Variants in TNFRSF10A observed in about 807,000 individuals in gnomAD.
The protein encoded by TNFRSF10A is TNF receptor superfamily member 10a, also known as tumor necrosis factor receptor superfamily member 10A.
A neutral mutation model predicts 42.8 loss-of-function variants in TNFRSF10A; 44 were observed. The ratio of observed to expected loss-of-function variants is 1.03; its 90% CI spans 0.81 to 1.32. The LOEUF is 1.32. Among genes scored for constraint, TNFRSF10A ranks in the 40% most tolerant of loss-of-function variants. The pLI is 0.00. For missense variants in TNFRSF10A, 680 were observed against 602.0 expected (o/e 1.13, Z -1.36); for synonymous variants, 259 against 234.2 (o/e 1.11, Z -0.97).
chr8:23,218,566 A>G (rs934708775), intron 1 of TNFRSF10A, among the ~76,000 whole-genome samples: 1 of 152,002 alleles, frequency 6.6e-6, no homozygotes, highest in Non-Finnish European at 1.5e-5. Context: ...GGCCAGCCTC[A>G]TGGTCTGGGG....
At chr8:23,213,551 C>T (rs1178991208) in intron 1 of TNFRSF10A, among the ~76,000 whole-genome samples, 4 of 67,510 alleles carry the variant, frequency 5.9e-5, no homozygotes, top group Non-Finnish European at 1.3e-4. Flanking sequence ...AGGTTCATGC[C>T]ATTCTCCTGC....
rs1800754015 is a variant in TNFRSF10A, at chr8:23,191,601, A to C, written c.*93T>G. On this transcript the variant is annotated 3_prime_UTR_variant, in exon 10 of 10. Coordinates refer to ENST00000221132, the MANE Select transcript of TNFRSF10A (RefSeq NM_003844.4). ...AGGCATGAGCCACTACACCTGGCTAAGAATTTACTTTGTATACATGTTAAA... is the reference window on the plus strand; with the variant it reads ...AGGCATGAGCCACTACACCTGGCTACGAATTTACTTTGTATACATGTTAAA... The C allele has an allele frequency of 2.1e-6, 3 of 1,438,542 alleles. No homozygotes were observed. The highest frequency in any genetic ancestry group is 2.7e-6 in the Non-Finnish European group (3 of 1,101,072). The allele number at this position is 1,438,542 out of a possible 1,614,324, so 89.1% of individuals were successfully genotyped here. A position where few individuals can be genotyped will look rare whatever the true frequency, so the allele number is the denominator to read the frequency against.
At chr8:23,224,499 G>A (rs1801305189) in intron 1 of TNFRSF10A, 8 of 529,302 alleles carry the variant, frequency 1.5e-5, no homozygotes, top group South Asian at 8.5e-5. Context: ...AGACGCGCCA[G>A]GCAGCAGCCA....
chr8:23,224,860 C>A lies in TNFRSF10A; in HGVS notation c.202G>T (p.Ala68Ser), dbSNP rs201726516. ...SMGQHGPSAR[A>S]RAGRAPGPRP... ...GGTCCTGGGGCGCGCCCTGCCCGGG[C>A]CCGGGCACTGGGTCCGTGCTGTCCC... The change falls in exon 1 of 10, where the codon GCC becomes TCC. Residue 68 changes from alanine (A) to serine (S), a missense_variant. Ala to Ser is a moderately conservative substitution (Grantham distance 99). Coordinates refer to ENST00000221132, the MANE Select transcript of TNFRSF10A (RefSeq NM_003844.4). The A allele has an allele frequency of 1.5e-4, 236 of 1,570,446 alleles. No individual in the cohort carries two copies. The African/African-American group carries it at 3.0e-3, about 20-fold the overall frequency.
At chr8:23,194,377 T>C (rs775898643) in intron 9 of TNFRSF10A, among the ~76,000 whole-genome samples, 1 of 152,200 alleles carries the variant, frequency 6.6e-6, no homozygotes, top group Non-Finnish European at 1.5e-5. Flanking sequence ...TTTAAAATTA[T>C]TGGTAAAATA....
chr8:23,207,161 G>A, intron 2 of TNFRSF10A: 1 of 588,182 alleles, frequency 1.7e-6, no homozygotes, highest in Non-Finnish European at 3.2e-6. Flanking sequence ...CCATGAAGAA[G>A]ATAGAAGACG....
At chr8:23,224,393 C>A in intron 1 of TNFRSF10A, 1 of 226,010 alleles carries the variant, frequency 4.4e-6, no homozygotes, top group Non-Finnish European at 8.7e-6. Context: ...CCCCTTCACG[C>A]AGCTGGTGTG....
rs534404718 is a variant in TNFRSF10A at position 23,196,039 on chromosome 8, T to G, written c.1087+1093A>C. ...TTAAAGCTCAAATCTTACATTTGTT[T>G]TATCTGAGTTCCTTTTTCAGGAAAT... On this transcript the variant is annotated intron_variant, in intron 9 of 9. Coordinates refer to ENST00000221132, the MANE Select transcript of TNFRSF10A (RefSeq NM_003844.4). Among the ~76,000 whole-genome samples the G allele has an allele frequency of 4.6e-5, 7 of 152,294 alleles. No individual in the cohort carries two copies. The East Asian group carries it at 1.3e-3, about 29-fold the overall frequency.
intron 1 of TNFRSF10A, chr8:23,224,542 G>T: frequency 1.7e-6 from 1 of 593,620 alleles, no homozygotes; most frequent in Non-Finnish European, 2.9e-6. Context: ...AGCCTCCTGC[G>T]GGAGGGGGCT....
intron 1 of TNFRSF10A, among the ~76,000 whole-genome samples, chr8:23,222,226 G>A (rs573236067): frequency 2.0e-5 from 3 of 152,062 alleles, no homozygotes; most frequent in East Asian, 1.9e-4. Flanking sequence ...ATCTTCTCCC[G>A]AAGTACAATT....
In TNFRSF10A at chr8:23,191,571, A is replaced by T; in HGVS notation, c.*123T>A. On this transcript the variant is annotated 3_prime_UTR_variant, in exon 10 of 10. Transcript: ENST00000221132. Reference sequence around the variant, plus strand: ...CGCCTCAGCCTCCCAAAGTGCTGGGATTACAGGCATGAGCCACTACACCTG... The same window carrying T: ...CGCCTCAGCCTCCCAAAGTGCTGGGTTTACAGGCATGAGCCACTACACCTG... The T allele has an allele frequency of 1.4e-6, 2 of 1,380,802 alleles. No homozygotes were observed. The highest frequency in any genetic ancestry group is 1.5e-5 in the African/African-American group (1 of 68,656). 85.5% of individuals were successfully genotyped at this position (1,380,802 alleles called of 1,614,324 possible).
Position 23,191,746 on chromosome 8 carries a change from C to G in TNFRSF10A, c.1355G>C (p.Gly452Ala), listed in dbSNP as rs1193461204. The G allele has an allele frequency of 6.2e-7, 1 of 1,614,188 alleles. No homozygotes were observed. Among genetic ancestry groups the G allele is most frequent in the East Asian group, 2.2e-5 (1 of 44,888 alleles). The change falls in exon 10 of 10, where the codon GGA becomes GCA. Residue 452 changes from glycine to alanine, a missense_variant. Coordinates refer to ENST00000221132, the MANE Select transcript of TNFRSF10A (RefSeq NM_003844.4). ...EKIQDLLVDS[G>A]KFIYLEDGTG... is the part of the protein sequence containing the mutation. ...GCCATCTTCTAAGTAGATGAACTTT[C>G]CAGAGTCCACCAAGAGGTCCTGAAT...
chr8:23,197,267 C>G, intron 8 of TNFRSF10A, 63 bp from the exon 9 acceptor site: 1 of 1,596,620 alleles, frequency 6.3e-7, no homozygotes, highest in Non-Finnish European at 8.6e-7. Context: ...AGTACTGACT[C>G]TGACCATCAG....
At chr8:23,211,998 A>G (rs1585285716) in intron 2 of TNFRSF10A, 118 bp downstream of exon 2, 3 of 910,822 alleles carry the variant, frequency 3.3e-6, no homozygotes, top group East Asian at 3.1e-5. Flanking sequence ...TAGGAAACAG[A>G]AAACTTGAAG....
intron 2 of TNFRSF10A, among the ~76,000 whole-genome samples, chr8:23,210,318 A>C (rs1801076836): frequency 6.6e-6 from 1 of 152,236 alleles, no homozygotes; most frequent in Non-Finnish European, 1.5e-5. Flanking sequence ...ACTACAGACT[A>C]ACGATTCTTA....
chr8:23,200,783 G>T (rs369786035), intron 4 of TNFRSF10A, 23 bp from the exon 5 acceptor site: 13 of 1,558,628 alleles, frequency 8.3e-6, no homozygotes, highest in South Asian at 3.3e-5. Flanking sequence ...AGGGAGGGAG[G>T]GGGGGGACTC....
At chr8:23,214,971 T>A (rs1801155926) in intron 1 of TNFRSF10A, among the ~76,000 whole-genome samples, 1 of 152,174 alleles carries the variant, frequency 6.6e-6, no homozygotes, top group Non-Finnish European at 1.5e-5. Flanking sequence ...TAAAGACAAG[T>A]GAAAACCATT....
intron 2 of TNFRSF10A, among the ~76,000 whole-genome samples, chr8:23,211,764 C>A (rs1375844433): frequency 2.0e-5 from 3 of 152,130 alleles, no homozygotes; most frequent in African/African-American, 7.2e-5. Flanking sequence ...GATGCCAAGG[C>A]CATTTAATGG....
intron 1 of TNFRSF10A, among the ~76,000 whole-genome samples, chr8:23,218,291 TCCTTG>T (rs1801212919): frequency 6.6e-6 from 1 of 152,140 alleles, no homozygotes; most frequent in African/African-American, 2.4e-5. Flanking sequence ...CCAGGGGGTT[TCCTTG>T]CCTTGTTCCT....
Sources: gnomAD v4.1 joint callset for allele counts (sites outside exome capture counted in the v4.1 genomes callset) on GRCh38, gnomAD v4.1.1 for gene constraint, MANE v1.5 for transcripts, NCBI Gene and HGNC (gene_info 2026-07-23, HGNC 2026-07-21) for gene names.